The following PEX11B variants were observed in gnomAD, a reference collection of about 807,000 sequenced individuals.
PEX11B encodes peroxisomal membrane protein 11B.
A neutral mutation model predicts 28.2 loss-of-function variants in PEX11B; 18 were observed. The observed-to-expected ratio is 0.64, with a 90% CI of 0.44 to 0.95. The LOEUF (loss-of-function observed/expected upper bound fraction) is 0.95. PEX11B is among the 40% of genes least tolerant of loss of function. PEX11B has a pLI of 0.00. For synonymous variants in PEX11B, 128 were observed against 128.7 expected, an observed-to-expected ratio of 0.99 and a Z score of 0.04; for missense variants, 305 against 319.8, an observed-to-expected ratio of 0.95 and a Z score of 0.35.
chr1:145,918,613 C>CCATACA lies in PEX11B; in HGVS notation c.56+19_56+20insTGTATG. 1 of 1,583,196 alleles carries CCATACA rather than the reference C, an allele frequency of 6.3e-7. No homozygotes were observed. Among genetic ancestry groups the CCATACA allele is most frequent in the Non-Finnish European group, 8.6e-7 (1 of 1,164,394 alleles). On this transcript the variant is annotated intron_variant, in intron 1 of 3. Transcript: ENST00000369306. ...GTCCATCCCTCCCCCGCCCCACCCCCATTCCTATTCGGGCCGCACCTACAC... is the reference window on the plus strand; with the variant it reads ...GTCCATCCCTCCCCCGCCCCACCCCCCATACAATTCCTATTCGGGCCGCACCTACAC...
intron 3 of PEX11B, among the ~76,000 whole-genome samples, chr1:145,915,111 C>A (rs1242260997): frequency 6.6e-6 from 1 of 152,138 alleles, no homozygotes; most frequent in African/African-American, 2.4e-5. Flanking sequence ...CCATGCCGGT[C>A]AGGCTGGTCT....
rs1472014283 is a variant in PEX11B, at chr1:145,911,996, T to C, written c.*165A>G. 7 of 492,948 alleles carry C rather than the reference T, an allele frequency of 1.4e-5. No individual in the cohort carries two copies. Among genetic ancestry groups the C allele is most frequent in the Non-Finnish European group, 2.4e-5 (7 of 285,742 alleles). 30.5% of individuals were successfully genotyped at this position (492,948 alleles called of 1,614,324 possible). ...AGAGACATCCTATTAACTTCACGAG[T>C]CATCTTTCCTTACCTCATCTTCCCC... On this transcript the variant is annotated 3_prime_UTR_variant, in exon 4 of 4. Coordinates refer to ENST00000369306, the MANE Select transcript of PEX11B (RefSeq NM_003846.3).
rs1553754406 is a variant in PEX11B at position 145,918,713 on chromosome 1, G to A, written c.-25C>T. On this transcript the variant is annotated 5_prime_UTR_variant, in exon 1 of 4. Transcript: ENST00000369306. ...TGACAGCCGCAGCCCAGGCTCCGCG[G>A]CCCTGCTCCCGCCCCACTTCCCGCC... 1 of 1,559,594 alleles carries A rather than the reference G, an allele frequency of 6.4e-7. No individual in the cohort carries two copies. Among genetic ancestry groups the A allele is most frequent in the East Asian group, 2.4e-5 (1 of 42,252 alleles).
rs1553753982 is a variant in PEX11B, at chr1:145,916,892, T to C, written c.299A>G (p.Asp100Gly). 5.6e-6 allele frequency: 9 copies of C among 1,613,992 alleles called. No homozygotes were observed. Among genetic ancestry groups the C allele is most frequent in the Admixed American group, 1.7e-5 (1 of 60,008 alleles). ...HLNRALYFAC[D>G]NVLWAGKSGL... is the part of the protein sequence containing the mutation. ...AGACTTTCCAGCCCACAGGACATTG[T>C]CACAGGCGAAGTACAAGGCTCGATT... The change falls in exon 3 of 4, where the codon GAC becomes GGC. Residue 100 changes from aspartate to glycine, a missense_variant. Transcript: ENST00000369306.
intron 1 of PEX11B, chr1:145,918,264 G>C (rs587668435): frequency 1.0e-6 from 1 of 985,462 alleles, no homozygotes; most frequent in Non-Finnish European, 1.2e-6. Flanking sequence ...ATGGCAGCAC[G>C]GTGTGGGGAC....
intron 2 of PEX11B, among the ~76,000 whole-genome samples, chr1:145,917,428 A>G (rs1485539653): frequency 6.6e-6 from 1 of 152,154 alleles, no homozygotes; most frequent in Non-Finnish European, 1.5e-5. Context: ...CTGTCTCAAA[A>G]AAATAAAAAA....
At chr1:145,915,106 C>G (rs587753445) in intron 3 of PEX11B, among the ~76,000 whole-genome samples, 49 of 152,188 alleles carry the variant, frequency 3.2e-4, no homozygotes, top group Admixed American at 7.9e-4. Flanking sequence ...TTTCTCCATG[C>G]CGGTCAGGCT....
chr1:145,915,174 G>C (rs1190754316), intron 3 of PEX11B, among the ~76,000 whole-genome samples: 2 of 152,214 alleles, frequency 1.3e-5, no homozygotes, highest in Non-Finnish European at 2.9e-5. Context: ...AAAGTGCTGG[G>C]ATTACAGGCA....
rs587689643 is a variant in PEX11B at position 145,918,706 on chromosome 1, C to T, written c.-18G>A. On this transcript the variant is annotated 5_prime_UTR_variant, in exon 1 of 4. Coordinates refer to ENST00000369306, the MANE Select transcript of PEX11B (RefSeq NM_003846.3). ...GCGTCCATGACAGCCGCAGCCCAGG[C>T]TCCGCGGCCCTGCTCCCGCCCCACT... 2.6e-6 allele frequency: 4 copies of T among 1,562,022 alleles called. No individual in the cohort carries two copies. Among genetic ancestry groups the T allele is most frequent in the Admixed American group, 1.9e-5 (1 of 51,936 alleles).
At chr1:145,913,057 C>T (rs1482540778) in intron 3 of PEX11B, among the ~76,000 whole-genome samples, 1 of 148,164 alleles carries the variant, frequency 6.7e-6, no homozygotes, top group East Asian at 2.0e-4. Context: ...CACTGCACTC[C>T]GGCCTGGGCA....
chr1:145,917,879 T>C (rs954679651), intron 1 of PEX11B, 63 bp from the exon 2 acceptor site: 11 of 1,461,432 alleles, frequency 7.5e-6, no homozygotes, highest in Non-Finnish European at 1.0e-5. Context: ...AAAACTATCT[T>C]CCAAAAGGCA....
intron 1 of PEX11B, 40 bp downstream of exon 1, chr1:145,918,593 T>TTC: frequency 1.1e-5 from 17 of 1,531,920 alleles, no homozygotes; most frequent in Non-Finnish European, 1.3e-5. Flanking sequence ...CCTCTGTCCA[T>TTC]CCCTCCCCCG....
rs61731751 is a variant in PEX11B at position 145,917,837 on chromosome 1, G to A, written c.57-21C>T. On this transcript the variant is annotated intron_variant, in intron 1 of 3. Coordinates refer to ENST00000369306, the MANE Select transcript of PEX11B (RefSeq NM_003846.3). ...CGGCCCTAGAGGAGAGGGCAGGCAA[G>A]GTAAGGTGGAGACCTCCCTAACCTT... The A allele has an allele frequency of 6.4e-3, 10,011 of 1,565,546 alleles. 585 individuals carry two copies. The African/African-American group carries it at 0.12, about 19-fold the overall frequency.
At chr1:145,917,546 C>A (rs1432926576) in intron 2 of PEX11B, among the ~76,000 whole-genome samples, 155 bp downstream of exon 2, 1 of 152,120 alleles carries the variant, frequency 6.6e-6, no homozygotes, top group Admixed American at 6.5e-5. Context: ...ACTTCCATAC[C>A]CCTGCTCTCT....
At chr1:145,915,869 T>G (rs1553753829) in intron 3 of PEX11B, among the ~76,000 whole-genome samples, 1 of 152,018 alleles carries the variant, frequency 6.6e-6, no homozygotes, top group Non-Finnish European at 1.5e-5. Context: ...CCTGACCTCG[T>G]GATCCCCCCA....
intron 3 of PEX11B, among the ~76,000 whole-genome samples, chr1:145,913,627 A>ACT (rs1162898076): frequency 1.1e-4 from 16 of 140,590 alleles, no homozygotes; most frequent in East Asian, 4.0e-4. Flanking sequence ...ACACACACAC[A>ACT]CTCTCCATCT....
Position 145,918,706 on chromosome 1 carries a change from C to G in PEX11B, c.-18G>C, listed in dbSNP as rs587689643. 2.6e-6 allele frequency: 4 copies of G among 1,562,140 alleles called. No individual in the cohort carries two copies. The highest frequency in any genetic ancestry group is 1.4e-5 in the African/African-American group (1 of 74,018). On this transcript the variant is annotated 5_prime_UTR_variant, in exon 1 of 4. Coordinates refer to ENST00000369306, the MANE Select transcript of PEX11B (RefSeq NM_003846.3). Reference sequence around the variant, plus strand: ...GCGTCCATGACAGCCGCAGCCCAGGCTCCGCGGCCCTGCTCCCGCCCCACT... The same window carrying G: ...GCGTCCATGACAGCCGCAGCCCAGGGTCCGCGGCCCTGCTCCCGCCCCACT...
chr1:145,918,245 A>C, intron 1 of PEX11B: 1 of 985,426 alleles, frequency 1.0e-6, no homozygotes, highest in Non-Finnish European at 1.2e-6. Context: ...GAGGCAGGGG[A>C]GTTCCCGAAT....
rs1553753279 is a variant in PEX11B, at chr1:145,912,419, C to T, written c.522G>A (p.Gly174=). ...GACCTCCTCCTGGAGTCCCTGGTCCCCCAAGTCCCCCAGTTTCACTTCCTC... is the reference window on the plus strand; with the variant it reads ...GACCTCCTCCTGGAGTCCCTGGTCCTCCAAGTCCCCCAGTTTCACTTCCTC... ...VPGGSETGGL[G]GPGTPGGGLP... is the part of the protein sequence containing the mutation. Residue 174 remains glycine, a synonymous_variant, in exon 4 of 4, where the codon GGG becomes GGA. Transcript: ENST00000369306. 2 of 1,579,588 alleles carry T rather than the reference C, an allele frequency of 1.3e-6. No individual in the cohort carries two copies. The highest frequency in any genetic ancestry group is 1.8e-5 in the Admixed American group (1 of 56,072).
Sources: gnomAD v4.1 joint callset for allele counts (sites outside exome capture counted in the v4.1 genomes callset) on GRCh38, gnomAD v4.1.1 for gene constraint, MANE v1.5 for transcripts, NCBI Gene and HGNC (gene_info 2026-07-23, HGNC 2026-07-21) for gene names.